KDSR: variants seen among roughly 807,000 people sequenced by gnomAD.
KDSR encodes the protein 3-dehydrosphinganine reductase.
KDSR carries 23 observed loss-of-function variants against 41.3 expected under a neutral mutation model. That is an observed-to-expected ratio of 0.56 (90% CI 0.40 to 0.79). The LOEUF is 0.79. Among genes scored for constraint, KDSR ranks in the 30% least tolerant of loss-of-function variants. The pLI, the probability that KDSR is intolerant of heterozygous loss-of-function variation, is 0.00. For synonymous variants in KDSR, 138 were observed against 151.7 expected (o/e 0.91, Z 0.66); for missense variants, 351 against 416.8 (o/e 0.84, Z 1.37).
chr18:63,337,923 C>T (rs865955881), intron 8 of KDSR, among the ~76,000 whole-genome samples: 17 of 152,098 alleles, frequency 1.1e-4, no homozygotes, highest in Non-Finnish European at 1.8e-4. Flanking sequence ...AGCAAAACTC[C>T]GTCTCAAAAC....
chr18:63,367,059 A>G lies in KDSR; in HGVS notation c.60T>C (p.Ser20=). The G allele has an allele frequency of 7.5e-7, 1 of 1,331,294 alleles. No individual in the cohort carries two copies. The highest frequency in any genetic ancestry group is 9.7e-7 in the Non-Finnish European group (1 of 1,034,122). The allele number at this position is 1,331,294 out of a possible 1,614,324, so 82.5% of individuals were successfully genotyped here. ...CGAGGGGCTTGGGGCTGATGAGCGG[A>G]GACACCATGTACAGCAGCAGCACGA... is the stretch of plus-strand genomic sequence containing the variant. ...VAFVLLLYMV[S]PLISPKPLAL... Residue 20 remains serine (S), a synonymous_variant, in exon 1 of 10, where the codon TCT becomes TCC. Transcript: ENST00000645214.
chr18:63,328,031 C>A lies in KDSR; in HGVS notation c.*3751G>T. 1 of 199,820 alleles carries A rather than the reference C, an allele frequency of 5.0e-6. No homozygotes were observed. Among genetic ancestry groups the A allele is most frequent in the Non-Finnish European group, 1.0e-5 (1 of 96,998 alleles). 12.4% of individuals were successfully genotyped at this position (199,820 alleles called of 1,614,324 possible). On this transcript the variant is annotated 3_prime_UTR_variant, in exon 10 of 10. Transcript: ENST00000645214. ...TATGGAAGGTTCTGGTTGGCAGGTA[C>A]TTTTTAAAGCTGACTTACTAAGAAC...
At chr18:63,342,290 A>G (rs2615197) in intron 7 of KDSR, among the ~76,000 whole-genome samples, 95,498 of 151,938 alleles carry the variant, frequency 0.63, 31,387 homozygotes, top group Admixed American at 0.73. Flanking sequence ...TTATAGCTCC[A>G]CCAAAATGAG....
chr18:63,330,603 T>C lies in KDSR; in HGVS notation c.*1179A>G, dbSNP rs576915925. 9 of 231,964 alleles carry C rather than the reference T, an allele frequency of 3.9e-5. No homozygotes were observed. In the South Asian group the frequency reaches 1.5e-3, roughly 37 times the overall value. 14.4% of individuals were successfully genotyped at this position (231,964 alleles called of 1,614,324 possible). On this transcript the variant is annotated 3_prime_UTR_variant, in exon 10 of 10. Coordinates refer to ENST00000645214, the MANE Select transcript of KDSR (RefSeq NM_002035.4). ...GGAGAGTCACATAAAGAACAGGTGA[T>C]CATTTTATTTCAAAAGCAACTCTCT...
chr18:63,360,036 A>G (rs1914918207), intron 2 of KDSR, among the ~76,000 whole-genome samples: 2 of 152,216 alleles, frequency 1.3e-5, no homozygotes, highest in Non-Finnish European at 1.5e-5. Flanking sequence ...GATAGTAGAA[A>G]ACAGATAAAC....
chr18:63,362,862 C>G lies in KDSR; in HGVS notation c.115G>C (p.Gly39Arg), dbSNP rs765214301. The G allele has an allele frequency of 6.2e-7, 1 of 1,610,596 alleles. No homozygotes were observed. The highest frequency in any genetic ancestry group is 1.1e-5 in the South Asian group (1 of 90,758). ...ALPGAHVVVT[G>R]GSSGIGKCIA... ...CACTTCCCGATGCCACTGGAACCTC[C>G]TGTAACCTAAAACAAAATCATAAAA... Residue 39 changes from glycine to arginine, a missense_variant, in exon 2 of 10, where the codon GGA becomes CGA. Transcript: ENST00000645214.
In KDSR at chr18:63,350,873, GA is replaced by G. The variant is rs1377858064; in HGVS notation, c.609+14del. 6.3e-7 allele frequency: 1 copy of G among 1,585,556 alleles called. No individual in the cohort carries two copies. Among genetic ancestry groups the G allele is most frequent in the South Asian group, 1.1e-5 (1 of 89,284 alleles). Reference sequence around the variant, plus strand: ...AGCGGAGAGGAATAAATACAAAAATGAATACAACTTTTACCTCCATCTGCAA... The same window carrying G: ...AGCGGAGAGGAATAAATACAAAAATGATACAACTTTTACCTCCATCTGCAA... On this transcript the variant is annotated intron_variant, in intron 6 of 9. Coordinates refer to ENST00000645214, the MANE Select transcript of KDSR (RefSeq NM_002035.4).
At chr18:63,343,878 T>C (rs564068950) in intron 7 of KDSR, among the ~76,000 whole-genome samples, 1 of 152,086 alleles carries the variant, frequency 6.6e-6, no homozygotes, top group South Asian at 2.1e-4. Flanking sequence ...ACTTCTTTGA[T>C]AAAAATGTGC....
In KDSR at chr18:63,362,829, T is replaced by C. The variant is rs371383516; in HGVS notation, c.148A>G (p.Ile50Val). The change falls in exon 2 of 10, where the codon ATC becomes GTC. Residue 50 changes from isoleucine to valine, a missense_variant. Physicochemically the swap from Ile to Val is conservative, Grantham distance 29. Transcript: ENST00000645214. ...GSSGIGKCIA[I>V]ECYKQGAFIT... ...AAAGCTCCTTGTTTATAGCACTCGA[T>C]AGCAATGCACTTCCCGATGCCACTG... 2 of 1,613,842 alleles carry C rather than the reference T, an allele frequency of 1.2e-6. No individual in the cohort carries two copies. Among genetic ancestry groups the C allele is most frequent in the African/African-American group, 2.7e-5 (2 of 74,918 alleles).
intron 5 of KDSR, among the ~76,000 whole-genome samples, chr18:63,352,644 A>G (rs986642507): frequency 1.3e-5 from 2 of 152,130 alleles, no homozygotes; most frequent in Admixed American, 6.6e-5. Flanking sequence ...GATGACCAGA[A>G]ACACTGGGAG....
At chr18:63,333,486 T>C (rs1190490656) in intron 9 of KDSR, among the ~76,000 whole-genome samples, 3 of 152,112 alleles carry the variant, frequency 2.0e-5, no homozygotes, top group Non-Finnish European at 4.4e-5. Context: ...GTGTGGAAAA[T>C]GTGAGGGTAC....
chr18:63,362,902 G>T, intron 1 of KDSR, 34 bp from the exon 2 acceptor site: 1 of 1,421,930 alleles, frequency 7.0e-7, no homozygotes, highest in Non-Finnish European at 9.9e-7. Flanking sequence ...CTTAGCACTT[G>T]AAATCTCCCC....
At chr18:63,335,225 CCTGT>C (rs762476341) in intron 9 of KDSR, 28 bp downstream of exon 9, 35 of 1,430,528 alleles carry the variant, frequency 2.4e-5, no homozygotes, top group South Asian at 1.2e-5. Flanking sequence ...TGTCCATCGG[CCTGT>C]CTGATTGCTA....
intron 1 of KDSR, among the ~76,000 whole-genome samples, 195 bp from the exon 2 acceptor site, chr18:63,363,063 G>A (rs916458334): frequency 1.3e-5 from 2 of 152,120 alleles, no homozygotes; most frequent in Non-Finnish European, 2.9e-5. Context: ...AAGGCCTGCT[G>A]CTTTGACTGT....
intron 1 of KDSR, among the ~76,000 whole-genome samples, chr18:63,363,938 C>T (rs533547236): frequency 1.3e-4 from 20 of 152,322 alleles, no homozygotes; most frequent in South Asian, 6.2e-4. Flanking sequence ...GTGTCTCCTA[C>T]GCAAATGCAC....
chr18:63,329,217 C>A lies in KDSR; in HGVS notation c.*2565G>T, dbSNP rs1331093436. 1 of 208,588 alleles carries A rather than the reference C, an allele frequency of 4.8e-6. No individual in the cohort carries two copies. Among genetic ancestry groups the A allele is most frequent in the Non-Finnish European group, 9.7e-6 (1 of 102,616 alleles). The allele number at this position is 208,588 out of a possible 1,614,324, so 12.9% of individuals were successfully genotyped here. Reference sequence around the variant, plus strand: ...ATGCCTACAACCCCTTATCCAAAACCCGCTGGGCTGGATGTGTTTCAGAAT... The same window carrying A: ...ATGCCTACAACCCCTTATCCAAAACACGCTGGGCTGGATGTGTTTCAGAAT... On this transcript the variant is annotated 3_prime_UTR_variant, in exon 10 of 10. Coordinates refer to ENST00000645214, the MANE Select transcript of KDSR (RefSeq NM_002035.4).
rs777662602 is a variant in KDSR at position 63,344,512 on chromosome 18, C to T, written c.610-19G>A. On this transcript the variant is annotated intron_variant, in intron 6 of 9. Transcript: ENST00000645214. ...GCTTCACCTGCATTTCAAAACAACA[C>T]GTGTACCTTCAGTAAACAAGACACA... The T allele has an allele frequency of 8.2e-6, 13 of 1,582,052 alleles. No individual in the cohort carries two copies. In the East Asian group the frequency reaches 8.9e-5, roughly 11 times the overall value.
At chr18:63,333,047 G>A (rs1285380452) in intron 9 of KDSR, among the ~76,000 whole-genome samples, 2 of 151,896 alleles carry the variant, frequency 1.3e-5, no homozygotes, top group Admixed American at 6.6e-5. Flanking sequence ...AGGTACGTGG[G>A]GTAGGAGATC....
At position 63,335,297 on chromosome 18, in the gene KDSR, C is replaced by T. The variant is rs1914121086; in HGVS notation, c.839G>A (p.Gly280Glu). The T allele has an allele frequency of 1.2e-6, 2 of 1,613,892 alleles. No homozygotes were observed. The highest frequency in any genetic ancestry group is 2.7e-5 in the African/African-American group (2 of 74,894). Residue 280 changes from glycine (G) to glutamate (E), a missense_variant, in exon 9 of 10, where the codon GGG becomes GAG. Coordinates refer to ENST00000645214, the MANE Select transcript of KDSR (RefSeq NM_002035.4). ...DGYMLSALTC[G>E]MAPVTSITEG... ...AGTAATAGAAGTTACTGGAGCCATCCCACAGGTCAGGGCCGAGAGCATGTA... is the reference window on the plus strand; with the variant it reads ...AGTAATAGAAGTTACTGGAGCCATCTCACAGGTCAGGGCCGAGAGCATGTA...
Sources: allele counts gnomAD v4.1 joint callset (sites outside exome capture counted in the v4.1 genomes callset), GRCh38; gene constraint gnomAD v4.1.1; transcripts MANE v1.5; gene names NCBI Gene and HGNC (gene_info 2026-07-23, HGNC 2026-07-21).